The following VCAN variants were observed in gnomAD, a reference collection of about 807,000 sequenced individuals.
The protein encoded by VCAN is versican.
In VCAN, 44 loss-of-function variants were observed where a neutral mutation model predicts 245.5. That is an observed-to-expected ratio of 0.18 (90% CI 0.14 to 0.23). The LOEUF is 0.23. VCAN is among the 10% of genes least tolerant of loss of function. The probability of loss-of-function intolerance (pLI) is 1.00; values close to 1 mark genes in which losing one functional copy is unlikely to be tolerated. For synonymous variants in VCAN, 1,413 were observed against 1,437.0 expected (o/e 0.98, Z 0.38); for missense variants, 3,793 against 4,057.9 (o/e 0.93, Z 1.77).
At chr5:83,493,958 C>T (rs745391567) in intron 5 of VCAN, 27 bp downstream of exon 5, 10 of 1,613,414 alleles carry the variant, frequency 6.2e-6, no homozygotes, top group East Asian at 4.5e-5. Flanking sequence ...TCTATATCTT[C>T]GTATGAACTG....
Position 83,580,108 on chromosome 5 carries a change from A to G in VCAN, c.10009A>G (p.Ile3337Val), listed in dbSNP as rs1331629943. The G allele has an allele frequency of 1.2e-6, 2 of 1,614,068 alleles. No individual in the cohort carries two copies. Among genetic ancestry groups the G allele is most frequent in the South Asian group, 1.1e-5 (1 of 91,072 alleles). The change falls in exon 14 of 15, where the codon ATC becomes GTC. Residue 3337 changes from isoleucine (I) to valine (V), a missense_variant. Around this residue, in one of 5 missense-constraint regions of VCAN, gnomAD observed 205 missense variants for 321.1 expected, o/e 0.64. Transcript: ENST00000265077. ...DGFIQRHLPT[I>V]RCLGNGRWAI... ...TTTCATTCAACGTCACCTTCCAACT[A>G]TCCGGTGCTTAGGAAATGGAAGATG...
chr5:83,541,393 A>T lies in VCAN; in HGVS notation c.8390A>T (p.Asp2797Val). ...GATCAGAGTGTAACAGAGGTGCCTG[A>T]TGTGATGGAAGGATCCAATCCCCCA... is the stretch of plus-strand genomic sequence containing the variant. ...LMDQSVTEVP[D>V]VMEGSNPPYY... Residue 2797 changes from aspartate (D) to valine (V), a missense_variant, in exon 8 of 15, where the codon GAT (aspartate) becomes GTT (valine). By Grantham distance (152) the Asp-to-Val change is radical. Around this residue, in one of 5 missense-constraint regions of VCAN, gnomAD observed 3,182 missense variants for 3,250.3 expected, o/e 0.98. Transcript: ENST00000265077. The T allele has an allele frequency of 1.2e-6, 2 of 1,614,076 alleles. No individual in the cohort carries two copies. The highest frequency in any genetic ancestry group is 1.7e-6 in the Non-Finnish European group (2 of 1,179,988).
At chr5:83,476,848 C>CTAT (rs1744410719) in intron 1 of VCAN, among the ~76,000 whole-genome samples, 1 of 152,068 alleles carries the variant, frequency 6.6e-6, no homozygotes, top group Non-Finnish European at 1.5e-5. Flanking sequence ...GATTTACCAA[C>CTAT]TATAAAAGGA....
At position 83,521,282 on chromosome 5, in the gene VCAN, A is replaced by G; in HGVS notation, c.2976A>G (p.Ser992=). The change falls in exon 7 of 15, where the codon TCA becomes TCG. Residue 992 remains serine, a synonymous_variant. Coordinates refer to ENST00000265077, the MANE Select transcript of VCAN (RefSeq NM_004385.5). ...DWGVLVPSVP[S]EDEVLGEPSQ... is the part of the protein sequence containing the mutation. ...GAGTGTTAGTACCTTCTGTTCCATC[A>G]GAAGATGAAGTTCTAGGTGAACCCT... 5.0e-6 allele frequency: 8 copies of G among 1,614,068 alleles called. No individual in the cohort carries two copies. The highest frequency in any genetic ancestry group is 6.8e-6 in the Non-Finnish European group (8 of 1,179,932).
rs1746964943 is a variant in VCAN, at chr5:83,541,089, C to T, written c.8086C>T (p.Pro2696Ser). 6.2e-7 allele frequency: 1 copy of T among 1,614,016 alleles called. No individual in the cohort carries two copies. Among genetic ancestry groups the T allele is most frequent in the East Asian group, 2.2e-5 (1 of 44,870 alleles). Residue 2696 changes from proline to serine, a missense_variant, in exon 8 of 15, where the codon CCT (proline) becomes TCT (serine). Physicochemically the swap from Pro to Ser is moderately conservative, Grantham distance 74 (BLOSUM62 -1). Coordinates refer to ENST00000265077, the MANE Select transcript of VCAN (RefSeq NM_004385.5). Reference protein sequence around the residue: ...LLPTATSLPIPRKSATVIPEI... With the variant: ...LLPTATSLPISRKSATVIPEI... ...TCCCACGGCAACATCCCTGCCAATT[C>T]CTCGTAAGTCTGCCACAGTTATTCC...
chr5:83,552,349 G>C (rs1373544236), intron 10 of VCAN, among the ~76,000 whole-genome samples: 1 of 152,170 alleles, frequency 6.6e-6, no homozygotes, highest in Non-Finnish European at 1.5e-5. Flanking sequence ...GGAAGGTTTT[G>C]TTGGTGCCTG....
Position 83,512,266 on chromosome 5 carries a change from G to T in VCAN, c.912G>T (p.Val304=), listed in dbSNP as rs779575099. ...ACGGGTGGCTGTCGGATGCCAGCGTGCGCCACCCTGTGACTGTGGCCAGGG... is the reference window on the plus strand; with the variant it reads ...ACGGGTGGCTGTCGGATGCCAGCGTTCGCCACCCTGTGACTGTGGCCAGGG... ...CDYGWLSDAS[V]RHPVTVARAQ... The change falls in exon 6 of 15, where the codon GTG becomes GTT. Residue 304 remains valine (V), a synonymous_variant. Coordinates refer to ENST00000265077, the MANE Select transcript of VCAN (RefSeq NM_004385.5). 1.2e-6 allele frequency: 2 copies of T among 1,614,174 alleles called. No individual in the cohort carries two copies. The highest frequency in any genetic ancestry group is 1.7e-6 in the Non-Finnish European group (2 of 1,180,038).
At chr5:83,570,815 T>C (rs1279506194) in intron 12 of VCAN, among the ~76,000 whole-genome samples, 2 of 121,214 alleles carry the variant, frequency 1.6e-5, no homozygotes, top group Non-Finnish European at 3.3e-5. Flanking sequence ...GTAGAGTAAT[T>C]GGACCTTCCC....
Position 83,553,466 on chromosome 5 carries a change from T to A in VCAN, c.9596T>A (p.Leu3199Gln). 1 of 1,614,138 alleles carries A rather than the reference T, an allele frequency of 6.2e-7. No homozygotes were observed. Among genetic ancestry groups the A allele is most frequent in the African/African-American group, 1.3e-5 (1 of 75,054 alleles). ...GATGCAGCTGAACGGGAATGCCGTC[T>A]GCAGGGTGCCCATCTCACAAGCATC... ...TWDAAERECR[L>Q]QGAHLTSILS... The change falls in exon 11 of 15, where the codon CTG becomes CAG. Residue 3199 changes from leucine (L) to glutamine (Q), a missense_variant. This residue lies in a region of VCAN where 205 missense variants were observed against 321.1 expected (regional missense o/e 0.64). Coordinates refer to ENST00000265077, the MANE Select transcript of VCAN (RefSeq NM_004385.5).
At chr5:83,494,433 C>T (rs940260691) in intron 5 of VCAN, among the ~76,000 whole-genome samples, 14 of 152,156 alleles carry the variant, frequency 9.2e-5, no homozygotes, top group African/African-American at 1.9e-4. Flanking sequence ...CCAGTCAATA[C>T]GTTAAACCAG....
chr5:83,495,323 C>T (rs1285988912), intron 5 of VCAN, among the ~76,000 whole-genome samples: 1 of 152,122 alleles, frequency 6.6e-6, no homozygotes, highest in Non-Finnish European at 1.5e-5. Context: ...ACTAAATTTG[C>T]ATCGGAAGGC....
At chr5:83,476,789 ATCTT>A (rs1744409251) in intron 1 of VCAN, among the ~76,000 whole-genome samples, 1 of 152,034 alleles carries the variant, frequency 6.6e-6, no homozygotes, top group African/African-American at 2.4e-5. Context: ...AGTACAGAGA[ATCTT>A]TGTTTAATGT....
chr5:83,553,847 C>G (rs963685289), intron 11 of VCAN, among the ~76,000 whole-genome samples: 4 of 152,140 alleles, frequency 2.6e-5, no homozygotes, highest in Non-Finnish European at 4.4e-5. Flanking sequence ...AGAATTCTTA[C>G]TATGGTTATA....
In VCAN at chr5:83,545,611, A is replaced by C; in HGVS notation, c.9340A>C (p.Thr3114Pro). ...TCCTACTGAAACTTCCTACGTATGC[A>C]CCTGTGTGCCAGGATACAGCGGAGA... ...CYPTETSYVC[T>P]CVPGYSGDQC... is the part of the protein sequence containing the mutation. The change falls in exon 9 of 15, where the codon ACC (threonine) becomes CCC (proline). Residue 3114 changes from threonine (T) to proline (P), a missense_variant. This residue lies in a region of VCAN where 3,182 missense variants were observed against 3,250.3 expected (regional missense o/e 0.98). Coordinates refer to ENST00000265077, the MANE Select transcript of VCAN (RefSeq NM_004385.5). 1 of 1,614,154 alleles carries C rather than the reference A, an allele frequency of 6.2e-7. No homozygotes were observed. Among genetic ancestry groups the C allele is most frequent in the Non-Finnish European group, 8.5e-7 (1 of 1,180,004 alleles).
Position 83,519,577 on chromosome 5 carries a change from C to T in VCAN, c.1271C>T (p.Pro424Leu), listed in dbSNP as rs1399385052. ...AITDSLATKL[P>L]TPTGSTKKPW... ...ACAGATAGTTTAGCCACCAAATTAC[C>T]CACACCTACTGGCAGTACCAAGAAG... is the stretch of plus-strand genomic sequence containing the variant. The change falls in exon 7 of 15, where the codon CCC becomes CTC. Residue 424 changes from proline to leucine, a missense_variant. By Grantham distance (98) the Pro-to-Leu change is moderately conservative. Coordinates refer to ENST00000265077, the MANE Select transcript of VCAN (RefSeq NM_004385.5). The T allele has an allele frequency of 1.2e-6, 2 of 1,613,956 alleles. No homozygotes were observed. The highest frequency in any genetic ancestry group is 2.2e-5 in the East Asian group (1 of 44,884).
At position 83,537,890 on chromosome 5, in the gene VCAN, G is replaced by A. The variant is rs770060933; in HGVS notation, c.4887G>A (p.Glu1629=). ...WVEATPRQVV[E]LSGSSSIPIT... ...AAGCAACTCCTAGACAAGTTGTAGA[G>A]CTCTCAGGGAGTTCTTCGATTCCAA... Residue 1629 remains glutamate, a synonymous_variant, in exon 8 of 15, where the codon GAG becomes GAA. Transcript: ENST00000265077. 6.2e-7 allele frequency: 1 copy of A among 1,614,008 alleles called. No individual in the cohort carries two copies. Among genetic ancestry groups the A allele is most frequent in the South Asian group, 1.1e-5 (1 of 91,090 alleles).
intron 5 of VCAN, among the ~76,000 whole-genome samples, chr5:83,507,397 A>C (rs1221517392): frequency 1.3e-5 from 2 of 152,240 alleles, no homozygotes; most frequent in East Asian, 3.8e-4. Context: ...AAGGCTGTGC[A>C]TTCCCTGTCT....
At chr5:83,579,233 TTTTGTTTG>T (rs558445739) in intron 13 of VCAN, among the ~76,000 whole-genome samples, 4 of 143,840 alleles carry the variant, frequency 2.8e-5, no homozygotes, top group African/African-American at 5.1e-5. Flanking sequence ...TTGTAAGGTT[TTTTGTTTG>T]TTTGTTTGTT....
rs776898982 is a variant in VCAN, at chr5:83,490,119, C to T, written c.92C>T (p.Pro31Leu). ...LHKVKVGKSP[P>L]VRGSLSGKVS... ...CTAGTCAAAGTGGGAAAAAGCCCAC[C>T]GGTGAGGGGCTCCCTCTCTGGAAAA... is the stretch of plus-strand genomic sequence containing the variant. The change falls in exon 3 of 15, where the codon CCG (proline) becomes CTG (leucine). Residue 31 changes from proline to leucine, a missense_variant. Transcript: ENST00000265077. The T allele has an allele frequency of 1.2e-4, 190 of 1,613,870 alleles. No homozygotes were observed. Among genetic ancestry groups the T allele is most frequent in the Non-Finnish European group, 1.5e-4 (179 of 1,180,010 alleles).
Sources: gnomAD v4.1 joint callset for allele counts (sites outside exome capture counted in the v4.1 genomes callset) on GRCh38, gnomAD v4.1.1 for gene constraint, gnomAD v4.1.1 regional missense constraint, MANE v1.5 for transcripts, NCBI Gene and HGNC (gene_info 2026-07-23, HGNC 2026-07-21) for gene names.